The following EPHA6 variants were observed in gnomAD, a reference collection of about 807,000 sequenced individuals.
EPHA6 encodes the protein ephrin type-A receptor 6.
A neutral mutation model predicts 112.0 loss-of-function variants in EPHA6; 50 were observed. That is an observed-to-expected ratio of 0.45 (90% CI 0.36 to 0.56). EPHA6 has a LOEUF of 0.56. EPHA6 is among the 20% of genes least tolerant of loss of function. The probability of loss-of-function intolerance (pLI) is 0.00; values close to 1 mark genes in which losing one functional copy is unlikely to be tolerated. For missense variants in EPHA6, 1,280 were observed against 1,417.4 expected, an observed-to-expected ratio of 0.90 and a Z score of 1.56; for synonymous variants, 529 against 490.7, an observed-to-expected ratio of 1.08 and a Z score of -1.03.
At position 97,086,847 on chromosome 3, in the gene EPHA6, A is replaced by G. The variant is rs188394151; in HGVS notation, c.1114+98854A>G. On this transcript the variant is annotated intron_variant, in intron 3 of 17. Transcript: ENST00000389672. ...ATATCTAAAGAATGTACTAATCTAT[A>G]ATTTATAGATTTTTTAAAAGTTTTT... Among the ~76,000 whole-genome samples the G allele has an allele frequency of 3.1e-4, 45 of 144,062 alleles. No individual in the cohort carries two copies. The East Asian group carries it at 8.7e-3, about 28-fold the overall frequency. The allele number at this position is 144,062 out of a possible 152,430, so 94.5% of individuals were successfully genotyped here.
At chr3:96,996,141 A>G (rs2043411491) in intron 3 of EPHA6, among the ~76,000 whole-genome samples, 1 of 152,150 alleles carries the variant, frequency 6.6e-6, no homozygotes, top group Non-Finnish European at 1.5e-5. Flanking sequence ...TCAAGAAACC[A>G]CTTTCTTTGC....
rs780249423 is a variant in EPHA6, at chr3:97,157,825, G to A, written c.1115-68439G>A. Among the ~76,000 whole-genome samples, 4 of 152,092 alleles carry A rather than the reference G, an allele frequency of 2.6e-5. No individual in the cohort carries two copies. The East Asian group carries it at 5.8e-4, about 22-fold the overall frequency. On this transcript the variant is annotated intron_variant, in intron 3 of 17. Transcript: ENST00000389672. ...ATTAGATCACCGCACCTACATTAGGGAGGGGTATCTTTACTCAGTCTACTG... is the reference window on the plus strand; with the variant it reads ...ATTAGATCACCGCACCTACATTAGGAAGGGGTATCTTTACTCAGTCTACTG...
In EPHA6 at chr3:97,256,221, AT is replaced by A. The variant is rs566011919; in HGVS notation, c.1606+11942del. Among the ~76,000 whole-genome samples, 573 of 151,840 alleles carry A rather than the reference AT, an allele frequency of 3.8e-3. 3 individuals carry two copies. The highest frequency in any genetic ancestry group is 0.013 in the African/African-American group (520 of 41,450). ...TTTTAATTTTATTCTATATTTTCAT[AT>A]TTTTTTTAAATGTTCCCTTTCTGGT... is the stretch of plus-strand genomic sequence containing the variant. On this transcript the variant is annotated intron_variant, in intron 5 of 17. Transcript: ENST00000389672.
At chr3:97,128,015 C>T (rs1008499641) in intron 3 of EPHA6, among the ~76,000 whole-genome samples, 2 of 152,002 alleles carry the variant, frequency 1.3e-5, no homozygotes, top group African/African-American at 4.8e-5. Context: ...CCCTCTTAAC[C>T]TCCCCACTTC....
chr3:97,180,610 G>C (rs890047279), intron 3 of EPHA6, among the ~76,000 whole-genome samples: 3 of 152,046 alleles, frequency 2.0e-5, no homozygotes, highest in Non-Finnish European at 4.4e-5. Flanking sequence ...CAAGGTAGCA[G>C]GTTTCCCTCT....
At chr3:97,098,240 A>G (rs1347980576) in intron 3 of EPHA6, among the ~76,000 whole-genome samples, 1 of 151,940 alleles carries the variant, frequency 6.6e-6, no homozygotes, top group Non-Finnish European at 1.5e-5. Context: ...TCATGAGTGT[A>G]TGCTCTAATC....
intron 3 of EPHA6, among the ~76,000 whole-genome samples, chr3:97,031,901 A>G (rs774403439): frequency 2.0e-5 from 3 of 152,160 alleles, no homozygotes; most frequent in South Asian, 2.1e-4. Context: ...ATTCATCAGG[A>G]ATCTAGAACT....
At chr3:97,549,289 C>A (rs1334037558) in intron 11 of EPHA6, among the ~76,000 whole-genome samples, 1 of 151,996 alleles carries the variant, frequency 6.6e-6, no homozygotes, top group African/African-American at 2.4e-5. Context: ...GGTTTTGTGG[C>A]CCCTAAATGT....
intron 3 of EPHA6, among the ~76,000 whole-genome samples, chr3:97,112,380 G>A (rs934218727): frequency 1.3e-5 from 2 of 152,182 alleles, no homozygotes; most frequent in Admixed American, 1.3e-4. Context: ...CTTTGATGAT[G>A]TTATTTGCAA....
rs141011951 is a variant in EPHA6 at position 97,160,611 on chromosome 3, G to T, written c.1115-65653G>T. Among the ~76,000 whole-genome samples, 376 of 152,052 alleles carry T rather than the reference G, an allele frequency of 2.5e-3. 1 individual carries two copies. The highest frequency in any genetic ancestry group is 8.6e-3 in the African/African-American group (356 of 41,486). ...TACATATTTTTACCCATTCAGAGAG[G>T]TCTATCCACATGCATCTTCCTTAGA... On this transcript the variant is annotated intron_variant, in intron 3 of 17. Transcript: ENST00000389672.
intron 3 of EPHA6, among the ~76,000 whole-genome samples, chr3:97,073,806 A>T (rs929157184): frequency 1.3e-5 from 2 of 152,052 alleles, no homozygotes; most frequent in African/African-American, 2.4e-5. Context: ...TATTAAGTGT[A>T]TTAGTCTCTC....
At chr3:97,393,084 T>A (rs2086507526) in intron 5 of EPHA6, among the ~76,000 whole-genome samples, 1 of 151,908 alleles carries the variant, frequency 6.6e-6, no homozygotes, top group Non-Finnish European at 1.5e-5. Context: ...TTGTTTAATG[T>A]TCAGATGAGG....
intron 5 of EPHA6, among the ~76,000 whole-genome samples, chr3:97,287,282 TG>T (rs1235595932): frequency 6.6e-6 from 1 of 152,152 alleles, no homozygotes. Context: ...ATCCTTGTCT[TG>T]TTCCAGTTCT....
intron 14 of EPHA6, among the ~76,000 whole-genome samples, chr3:97,643,167 C>T (rs1242520185): frequency 6.6e-6 from 1 of 150,896 alleles, no homozygotes; most frequent in African/African-American, 2.4e-5. Context: ...ATTTTCAACC[C>T]AGAATTTCAT....
intron 10 of EPHA6, among the ~76,000 whole-genome samples, chr3:97,506,632 T>C (rs1047622882): frequency 6.6e-6 from 1 of 152,194 alleles, no homozygotes; most frequent in Non-Finnish European, 1.5e-5. Context: ...TCCAGCTTTG[T>C]TCTTTTTGGT....
intron 2 of EPHA6, among the ~76,000 whole-genome samples, chr3:96,869,754 T>C (rs1256019755): frequency 6.6e-6 from 1 of 152,080 alleles, no homozygotes; most frequent in Admixed American, 6.6e-5. Context: ...CACTATAGTA[T>C]ATAAAATCAG....
intron 3 of EPHA6, among the ~76,000 whole-genome samples, chr3:97,005,071 G>A (rs1327151357): frequency 1.3e-5 from 2 of 152,074 alleles, no homozygotes; most frequent in East Asian, 3.9e-4. Context: ...TGTTCTTTTT[G>A]CTTAGGATTG....
chr3:97,730,739 C>G (rs1244931459), intron 15 of EPHA6, among the ~76,000 whole-genome samples: 1 of 152,130 alleles, frequency 6.6e-6, no homozygotes. Context: ...TCAAGCTTCT[C>G]TGAAAATTCA....
intron 3 of EPHA6, among the ~76,000 whole-genome samples, chr3:97,161,871 A>G (rs1221144133): frequency 6.6e-6 from 1 of 152,194 alleles, no homozygotes; most frequent in Non-Finnish European, 1.5e-5. Context: ...AAGGAATTAA[A>G]TCCTTGTGAA....
Sources: gnomAD v4.1 joint callset for allele counts (sites outside exome capture counted in the v4.1 genomes callset) on GRCh38, gnomAD v4.1.1 for gene constraint, MANE v1.5 for transcripts, NCBI Gene and HGNC (gene_info 2026-07-23, HGNC 2026-07-21) for gene names.